NPM1: variants seen among roughly 807,000 people sequenced by gnomAD.
NPM1 encodes the protein nucleophosmin 1.
Under a neutral mutation model 44.1 loss-of-function variants are expected in NPM1, and 1 was observed. That is an observed-to-expected ratio of 0.02 (90% CI 0.01 to 0.11). The LOEUF is 0.11. Among genes scored for constraint, NPM1 ranks in the 10% least tolerant of loss-of-function variants. NPM1 has a pLI of 1.00. For missense variants in NPM1, 197 were observed against 347.8 expected, an observed-to-expected ratio of 0.57 and a Z score of 3.45; for synonymous variants, 126 against 111.8, an observed-to-expected ratio of 1.13 and a Z score of -0.80.
intron 8 of NPM1, among the ~76,000 whole-genome samples, chr5:171,401,720 C>A (rs556320164): frequency 2.6e-5 from 4 of 152,278 alleles, no homozygotes; most frequent in African/African-American, 9.6e-5. Flanking sequence ...TGAGCCACCA[C>A]GCCTGGCCTG....
Position 171,391,391 on chromosome 5 carries a change from A to T in NPM1, c.225A>T (p.Thr75=). 6.2e-7 allele frequency: 1 copy of T among 1,610,344 alleles called. No homozygotes were observed. The part of the protein sequence containing the change: ...MNYEGSPIKV[T]LATLKMSVQP... ...ACGAAGGCAGTCCAATTAAAGTAAC[A>T]CTGGCAACTTTGAAAATGTCTGTAC... The change falls in exon 3 of 11, where the codon ACA becomes ACT. Residue 75 remains threonine (T), a synonymous_variant. Transcript: ENST00000296930.
intron 10 of NPM1, 54 bp from the exon 11 acceptor site, chr5:171,410,473 A>T (rs1405889455): frequency 9.3e-7 from 1 of 1,076,498 alleles, no homozygotes; most frequent in African/African-American, 1.6e-5. Flanking sequence ...TAATTTATTG[A>T]TGTCTATGAA....
chr5:171,404,333 C>T (rs1416361952), intron 8 of NPM1, among the ~76,000 whole-genome samples: 1 of 84,840 alleles, frequency 1.2e-5, no homozygotes, highest in Admixed American at 1.1e-4. Context: ...CTCCTCACTT[C>T]TCAGACGGGG....
chr5:171,403,647 C>G (rs1771369204), intron 8 of NPM1, among the ~76,000 whole-genome samples: 2 of 136,094 alleles, frequency 1.5e-5, no homozygotes, highest in African/African-American at 5.4e-5. Flanking sequence ...CTGACCCCCC[C>G]CACCTCCCTC....
intron 6 of NPM1, among the ~76,000 whole-genome samples, chr5:171,399,241 C>T (rs1475953661): frequency 6.6e-6 from 1 of 151,656 alleles, no homozygotes; most frequent in African/African-American, 2.4e-5. Flanking sequence ...CTCTTTGGGT[C>T]CCTTAAGTGT....
At chr5:171,407,014 A>G (rs1312021812) in intron 9 of NPM1, 1 of 153,074 alleles carries the variant, frequency 6.5e-6, no homozygotes, top group Non-Finnish European at 1.5e-5. Context: ...TTTTGGTTAC[A>G]AAGTCACAGG....
intron 6 of NPM1, among the ~76,000 whole-genome samples, chr5:171,393,226 G>T (rs1770685329): frequency 6.6e-6 from 1 of 152,202 alleles, no homozygotes; most frequent in African/African-American, 2.4e-5. Flanking sequence ...GTAGACTATA[G>T]TGTTTGTGAA....
chr5:171,394,654 C>G (rs1368373312), intron 6 of NPM1, among the ~76,000 whole-genome samples: 1 of 152,076 alleles, frequency 6.6e-6, no homozygotes, highest in Non-Finnish European at 1.5e-5. Context: ...GAAATACATT[C>G]CAAGAGAAGA....
intron 6 of NPM1, among the ~76,000 whole-genome samples, chr5:171,394,036 G>A (rs374216978): frequency 9.7e-6 from 1 of 102,684 alleles, no homozygotes; most frequent in African/African-American, 3.6e-5. Flanking sequence ...TGCTGTTTTT[G>A]TTTTCTTTTT....
At chr5:171,399,463 T>C (rs1002406015) in intron 6 of NPM1, among the ~76,000 whole-genome samples, 6 of 152,122 alleles carry the variant, frequency 3.9e-5, no homozygotes, top group African/African-American at 1.2e-4. Context: ...TAGGCTGGTC[T>C]TGAACTAAAA....
chr5:171,400,077 T>G (rs1322376107), intron 6 of NPM1, 76 bp from the exon 7 acceptor site: 14 of 868,308 alleles, frequency 1.6e-5, no homozygotes. Flanking sequence ...AATAATCACT[T>G]CAAGGTCCTG....
chr5:171,389,864 T>G (rs936352915), intron 1 of NPM1, among the ~76,000 whole-genome samples, 187 bp from the exon 2 acceptor site: 1 of 152,190 alleles, frequency 6.6e-6, no homozygotes, highest in Non-Finnish European at 1.5e-5. Context: ...GGAATTATAG[T>G]CTTTTATGGG....
Position 171,392,961 on chromosome 5 carries a change from AGAG to A in NPM1, c.510_512del (p.Glu170del), listed in dbSNP as rs1297553081. 1 of 1,609,370 alleles carries A rather than the reference AGAG, an allele frequency of 6.2e-7. No homozygotes were observed. The highest frequency in any genetic ancestry group is 1.3e-5 in the African/African-American group (1 of 74,834). Reference sequence around the variant, plus strand: ...ATGAAGATGATGACGATGATGATGAAGAGGATGATGATGAAGAGTAAGTATGAT... The same window carrying A: ...ATGAAGATGATGACGATGATGATGAAGATGATGATGAAGAGTAAGTATGAT... On this transcript the variant is annotated inframe_deletion, in exon 6 of 11. Coordinates refer to ENST00000296930, the MANE Select transcript of NPM1 (RefSeq NM_002520.7).
At chr5:171,405,885 G>T (rs1771536477) in intron 9 of NPM1, among the ~76,000 whole-genome samples, 1 of 152,152 alleles carries the variant, frequency 6.6e-6, no homozygotes, top group Admixed American at 6.5e-5. Flanking sequence ...TTTACACCAA[G>T]TTGTCACCAG....
chr5:171,401,418 G>C (rs983070026), intron 8 of NPM1, among the ~76,000 whole-genome samples: 2 of 152,042 alleles, frequency 1.3e-5, no homozygotes, highest in African/African-American at 4.8e-5. Flanking sequence ...TAAATGTAAG[G>C]TGGTGGGGCG....
intron 9 of NPM1, chr5:171,407,005 T>G (rs539841213): frequency 6.5e-6 from 1 of 153,494 alleles, no homozygotes; most frequent in African/African-American, 2.4e-5. Flanking sequence ...GTTTTGAAAT[T>G]TTGGTTACAA....
At chr5:171,387,506 GGGC>G, upstream of NPM1, 4 of 208,212 alleles carry the variant, frequency 1.9e-5, no homozygotes, top group Admixed American at 1.2e-4. Flanking sequence ...TTTGCAGGGT[GGGC>G]TGCGCAGACT....
intron 4 of NPM1, among the ~76,000 whole-genome samples, chr5:171,392,116 T>C (rs1352877299): frequency 6.6e-6 from 1 of 152,022 alleles, no homozygotes; most frequent in African/African-American, 2.4e-5. Flanking sequence ...CGTTTCATAG[T>C]TATAGTAGAG....
At chr5:171,400,642 A>G in intron 7 of NPM1, 197 bp from the exon 8 acceptor site, 1 of 482,792 alleles carries the variant, frequency 2.1e-6, no homozygotes, top group South Asian at 2.4e-5. Context: ...TTTTTAGTAG[A>G]CCACCATGTC....
Sources: gnomAD v4.1 joint callset for allele counts (sites outside exome capture counted in the v4.1 genomes callset) on GRCh38, gnomAD v4.1.1 for gene constraint, MANE v1.5 for transcripts, NCBI Gene and HGNC (gene_info 2026-07-23, HGNC 2026-07-21) for gene names.